USP45: variants seen among roughly 807,000 people sequenced by gnomAD.
USP45 encodes the protein ubiquitin specific peptidase 45, also known as ubiquitin carboxyl-terminal hydrolase 45.
In USP45, 89 loss-of-function variants were observed where a neutral mutation model predicts 95.8. The ratio of observed to expected loss-of-function variants is 0.93; its 90% CI spans 0.78 to 1.11. The LOEUF (loss-of-function observed/expected upper bound fraction) is 1.11. USP45 is among the 50% of genes least tolerant of loss of function. The pLI is 0.00. For missense variants in USP45, 898 were observed against 942.5 expected (o/e 0.95, Z 0.62); for synonymous variants, 281 against 316.2 (o/e 0.89, Z 1.18).
intron 14 of USP45, 30 bp downstream of exon 14, chr6:99,445,767 C>T: frequency 6.9e-7 from 1 of 1,453,986 alleles, no homozygotes; most frequent in Non-Finnish European, 9.2e-7. Context: ...ATCAGGAGAT[C>T]AATAATTATG....
Position 99,463,767 on chromosome 6 carries a change from G to A in USP45, c.1308+837C>T, listed in dbSNP as rs115899222. ...GCAGAGGTTGCAGTGAGCCAAGATC[G>A]CGCCACCTGGGCAACAGAGCGAGAC... On this transcript the variant is annotated intron_variant, in intron 13 of 17. Transcript: ENST00000500704. Among the ~76,000 whole-genome samples the A allele has an allele frequency of 5.3e-3, 691 of 131,274 alleles. 11 individuals carry two copies. Among genetic ancestry groups the A allele is most frequent in the African/African-American group, 0.019 (653 of 34,682 alleles). 86.1% of individuals were successfully genotyped at this position (131,274 alleles called of 152,430 possible). A position where few individuals can be genotyped will look rare whatever the true frequency, so the allele number is the denominator to read the frequency against.
At chr6:99,496,008 G>T (rs1210235968) in intron 5 of USP45, among the ~76,000 whole-genome samples, 1 of 152,092 alleles carries the variant, frequency 6.6e-6, no homozygotes. Context: ...TGTAAAAATA[G>T]GTTGTTTTTA....
intron 7 of USP45, among the ~76,000 whole-genome samples, chr6:99,483,302 C>G (rs1431440185): frequency 6.6e-6 from 1 of 151,984 alleles, no homozygotes; most frequent in East Asian, 1.9e-4. Flanking sequence ...AAATATTTTA[C>G]TAGTAAAGTA....
At position 99,443,647 on chromosome 6, in the gene USP45, C is replaced by T. The variant is rs887485253; in HGVS notation, c.1991G>A (p.Gly664Glu). Residue 664 changes from glycine to glutamate, a missense_variant, in exon 15 of 18, where the codon GGA becomes GAA. Transcript: ENST00000500704. Reference protein sequence around the residue: ...ETSFAEKKVEGVYTNARKQLL... With the variant: ...ETSFAEKKVEEVYTNARKQLL... Reference sequence around the variant, plus strand: ...TTGCTTCCTGGCATTAGTATAAACTCCTTCTACTTTCTTTTCTACATAAAA... The same window carrying T: ...TTGCTTCCTGGCATTAGTATAAACTTCTTCTACTTTCTTTTCTACATAAAA... 6.9e-6 allele frequency: 11 copies of T among 1,591,548 alleles called. No homozygotes were observed. The highest frequency in any genetic ancestry group is 1.3e-5 in the African/African-American group (1 of 74,554).
At chr6:99,507,312 TAAA>T in intron 4 of USP45, 113 bp downstream of exon 4, 1 of 542,014 alleles carries the variant, frequency 1.8e-6, no homozygotes, top group Non-Finnish European at 3.2e-6. Flanking sequence ...GTGTTCAGGT[TAAA>T]AAACCATAAG....
chr6:99,515,352 A>G (rs548424511), intron 1 of USP45, 40 bp downstream of exon 1: 21 of 152,306 alleles, frequency 1.4e-4, no homozygotes, highest in African/African-American at 5.1e-4. Flanking sequence ...TGCGGCGACC[A>G]TACCGCCGCT....
Position 99,462,076 on chromosome 6 carries a change from A to C in USP45, c.1308+2528T>G, listed in dbSNP as rs117324488. ...GATGTTATTAGAACTGTACTTTTCTAATTTTAGAACCGTATGCAAACTTGC... is the reference window on the plus strand; with the variant it reads ...GATGTTATTAGAACTGTACTTTTCTCATTTTAGAACCGTATGCAAACTTGC... On this transcript the variant is annotated intron_variant, in intron 13 of 17. Transcript: ENST00000500704. The C allele has an allele frequency of 2.9e-4, 283 of 985,390 alleles. 2 individuals are homozygous for C. In the East Asian group the frequency reaches 0.021, roughly 74 times the overall value. The allele number at this position is 985,390 out of a possible 1,614,324, so 61.0% of individuals were successfully genotyped here.
chr6:99,509,097 T>A lies in USP45; in HGVS notation c.101-315A>T, dbSNP rs905979341. On this transcript the variant is annotated intron_variant, in intron 2 of 17. Coordinates refer to ENST00000500704, the MANE Select transcript of USP45 (RefSeq NM_001346022.3). The stretch of plus-strand genomic sequence containing the variant: ...TTGATTGGTGGTGGTTATACAAAGC[T>A]ATACATGTACTAAAATGGGATGATG... Among the ~76,000 whole-genome samples the A allele has an allele frequency of 2.6e-5, 4 of 152,236 alleles. No homozygotes were observed. In the East Asian group the frequency reaches 7.7e-4, roughly 29 times the overall value.
chr6:99,510,358 G>A, intron 1 of USP45, 128 bp from the exon 2 acceptor site: 1 of 621,330 alleles, frequency 1.6e-6, no homozygotes, highest in Non-Finnish European at 2.8e-6. Flanking sequence ...AACAGAGGAA[G>A]AAGAGGGGAA....
chr6:99,486,814 T>C (rs925233645), intron 7 of USP45, among the ~76,000 whole-genome samples: 5 of 152,026 alleles, frequency 3.3e-5, no homozygotes, highest in Admixed American at 6.6e-5. Context: ...GCTATACATA[T>C]ACTCTGACTT....
At chr6:99,459,915 T>C (rs1786012526) in intron 13 of USP45, among the ~76,000 whole-genome samples, 1 of 152,170 alleles carries the variant, frequency 6.6e-6, no homozygotes, top group Non-Finnish European at 1.5e-5. Flanking sequence ...ATTAATCAGA[T>C]GGCTACATGA....
chr6:99,509,425 T>C (rs1405623390), intron 2 of USP45, among the ~76,000 whole-genome samples: 3 of 152,154 alleles, frequency 2.0e-5, no homozygotes, highest in Admixed American at 2.0e-4. Flanking sequence ...TGTTTGTGTA[T>C]AGCTGTATGC....
chr6:99,446,238 T>C lies in USP45; in HGVS notation c.1534A>G (p.Ser512Gly), dbSNP rs1391457339. ...AACAGCCCAGTCTGCTTTGAAGCACTTTCAGATTCTGAAGGCTCACTGTCA... is the reference window on the plus strand; with the variant it reads ...AACAGCCCAGTCTGCTTTGAAGCACCTTCAGATTCTGAAGGCTCACTGTCA... ...DADSEPSESE[S>G]ASKQTGLFRS... Residue 512 changes from serine to glycine, a missense_variant, in exon 14 of 18, where the codon AGT becomes GGT. Ser to Gly is a moderately conservative substitution (Grantham distance 56). Coordinates refer to ENST00000500704, the MANE Select transcript of USP45 (RefSeq NM_001346022.3). 2 of 1,614,160 alleles carry C rather than the reference T, an allele frequency of 1.2e-6. No individual in the cohort carries two copies. Among genetic ancestry groups the C allele is most frequent in the Middle Eastern group, 1.7e-4 (1 of 6,058 alleles).
Position 99,466,863 on chromosome 6 carries a change from T to C in USP45, c.1016-100A>G, listed in dbSNP as rs1052515582. Reference sequence around the variant, plus strand: ...TTATTCAAAAGTAATCTGAATAAGATATTCTGTACTACATTTAATAATACA... The same window carrying C: ...TTATTCAAAAGTAATCTGAATAAGACATTCTGTACTACATTTAATAATACA... On this transcript the variant is annotated intron_variant, in intron 10 of 17. Coordinates refer to ENST00000500704, the MANE Select transcript of USP45 (RefSeq NM_001346022.3). 5 of 762,100 alleles carry C rather than the reference T, an allele frequency of 6.6e-6. No homozygotes were observed. In the African/African-American group the frequency reaches 8.8e-5, roughly 13 times the overall value. The allele number at this position is 762,100 out of a possible 1,614,324, so 47.2% of individuals were successfully genotyped here.
chr6:99,443,778 G>A (rs1310952377), intron 14 of USP45, 116 bp from the exon 15 acceptor site: 1 of 659,118 alleles, frequency 1.5e-6, no homozygotes, highest in East Asian at 3.0e-5. Flanking sequence ...AAAGAAATTG[G>A]ACTTCTGATG....
chr6:99,472,398 T>C (rs1172972018), intron 9 of USP45, among the ~76,000 whole-genome samples: 1 of 152,010 alleles, frequency 6.6e-6, no homozygotes. Flanking sequence ...GTATTTTTAG[T>C]AGACACGGGG....
chr6:99,456,999 T>C (rs866186602), intron 13 of USP45, among the ~76,000 whole-genome samples: 5 of 152,330 alleles, frequency 3.3e-5, no homozygotes, highest in Non-Finnish European at 5.9e-5. Flanking sequence ...AGCCGTCTCT[T>C]ATGGTCGAGA....
intron 10 of USP45, 36 bp from the exon 11 acceptor site, chr6:99,466,799 T>A: frequency 6.5e-7 from 1 of 1,527,224 alleles, no homozygotes; most frequent in Non-Finnish European, 9.1e-7. Flanking sequence ...AAAAAACATG[T>A]CAACCATCCA....
intron 13 of USP45, among the ~76,000 whole-genome samples, chr6:99,459,654 A>G (rs1156985052): frequency 6.6e-6 from 1 of 152,020 alleles, no homozygotes; most frequent in Non-Finnish European, 1.5e-5. Context: ...TTATTTTTTG[A>G]CTTTTTAATA....
Sources: gnomAD v4.1 joint callset for allele counts (sites outside exome capture counted in the v4.1 genomes callset) on GRCh38, gnomAD v4.1.1 for gene constraint, MANE v1.5 for transcripts, NCBI Gene and HGNC (gene_info 2026-07-23, HGNC 2026-07-21) for gene names.